MYH7B: variants seen among roughly 807,000 people sequenced by gnomAD.
The protein encoded by MYH7B is myosin heavy chain 7B.
MYH7B carries 205 observed loss-of-function variants against 234.5 expected under a neutral mutation model. That is an observed-to-expected ratio of 0.87 (90% CI 0.78 to 0.98). The LOEUF (loss-of-function observed/expected upper bound fraction) is 0.98. Ranked by LOEUF, MYH7B falls within the 50% of genes least tolerant of loss-of-function variation. The pLI, the probability that MYH7B is intolerant of heterozygous loss-of-function variation, is 0.00. For missense variants in MYH7B, 2,652 were observed against 2,633.4 expected (o/e 1.01, Z -0.15); for synonymous variants, 1,193 against 1,105.0 (o/e 1.08, Z -1.58).
chr20:34,965,308 G>A (rs931689515), intron 2 of MYH7B, among the ~76,000 whole-genome samples: 6 of 152,252 alleles, frequency 3.9e-5, no homozygotes, highest in African/African-American at 1.4e-4. Context: ...TGGTTAACCT[G>A]GCTCAGCCGA....
intron 2 of MYH7B, among the ~76,000 whole-genome samples, chr20:34,959,042 C>T (rs2081667479): frequency 2.0e-5 from 3 of 152,170 alleles, no homozygotes. Flanking sequence ...TCATTTAATC[C>T]CTTCACAGCC....
rs998120086 is a variant in MYH7B, at chr20:34,993,471, G to A, written c.2444+1G>A. On this transcript the variant is annotated splice_donor_variant, in intron 26 of 44. Coordinates refer to ENST00000262873, the Ensembl canonical transcript of MYH7B. LOFTEE classifies it high-confidence loss of function. Reference sequence around the variant, plus strand: ...AGTACCAGCGCCTGCTGGGAGGCAGGTGGGTGTGGGAAGGAGGCTGGGGAC... The same window carrying A: ...AGTACCAGCGCCTGCTGGGAGGCAGATGGGTGTGGGAAGGAGGCTGGGGAC... 41 of 1,592,708 alleles carry A rather than the reference G, an allele frequency of 2.6e-5. No individual in the cohort carries two copies. Among genetic ancestry groups the A allele is most frequent in the Non-Finnish European group, 3.3e-5 (39 of 1,172,816 alleles).
rs372110352 is a variant in MYH7B at position 34,999,128 on chromosome 20, G to A, written c.4263G>A (p.Leu1421=). 3.7e-6 allele frequency: 6 copies of A among 1,613,570 alleles called. No homozygotes were observed. The African/African-American group carries it at 5.3e-5, about 14-fold the overall frequency. Reference sequence around the variant, plus strand: ...CTGCCAACGCCAAGTGCTCATCGTTGGAGAAGGCCAAGCTGCGGCTACAGA... The same window carrying A: ...CTGCCAACGCCAAGTGCTCATCGTTAGAGAAGGCCAAGCTGCGGCTACAGA... The change falls in exon 36 of 45, where the codon TTG becomes TTA. Residue 1421 remains leucine, a synonymous_variant. Transcript: ENST00000262873.
In MYH7B at chr20:34,990,000, A is replaced by G; in HGVS notation, c.1768-14A>G. 1 of 1,613,966 alleles carries G rather than the reference A, an allele frequency of 6.2e-7. No homozygotes were observed. The highest frequency in any genetic ancestry group is 8.5e-7 in the Non-Finnish European group (1 of 1,179,936). The stretch of plus-strand genomic sequence containing the variant: ...GTCTCCCACCCGGGCTCAGCACCTG[A>G]CTTGTCTCTCCAGGTGCCTTACAGC... On this transcript the variant is annotated splice_polypyrimidine_tract_variant and intron_variant, in intron 20 of 44. Transcript: ENST00000262873.
chr20:34,982,823 T>A (rs2081960382), intron 10 of MYH7B, among the ~76,000 whole-genome samples: 1 of 152,168 alleles, frequency 6.6e-6, no homozygotes, highest in South Asian at 2.1e-4. Flanking sequence ...TTGTGTAATT[T>A]TTATCTTCCA....
rs1283208426 is a variant in MYH7B at position 34,989,883 on chromosome 20, C to A, written c.1731C>A (p.Tyr577Ter). The A allele has an allele frequency of 6.2e-7, 1 of 1,614,182 alleles. No individual in the cohort carries two copies. Among genetic ancestry groups the A allele is most frequent in the Admixed American group, 1.7e-5 (1 of 60,026 alleles). Residue 577 changes from tyrosine (Y) to a stop codon, truncating the protein, a stop_gained, in exon 20 of 45, where the codon TAC (tyrosine) becomes TAA (stop). Transcript: ENST00000262873. LOFTEE classifies it high-confidence loss of function. ...CTCGGCCTGACAAGAAGCGCAAGTA[C>A]CAGGCCCACTTCGAGGTGGTCCACT...
At chr20:34,975,277 GCA>G in intron 2 of MYH7B, 121 bp from the exon 3 acceptor site, 1 of 429,824 alleles carries the variant, frequency 2.3e-6, no homozygotes, top group Admixed American at 4.1e-5. Context: ...TGATCTCGGC[GCA>G]CTGTAACCTC....
intron 7 of MYH7B, chr20:34,980,212 G>A: frequency 3.1e-6 from 1 of 323,030 alleles, no homozygotes; most frequent in Non-Finnish European, 5.8e-6. Context: ...GAAGACTGGG[G>A]CCTGGGGCCT....
intron 2 of MYH7B, among the ~76,000 whole-genome samples, chr20:34,974,819 A>G (rs547348394): frequency 2.0e-4 from 31 of 152,318 alleles, no homozygotes; most frequent in African/African-American, 5.1e-4. Flanking sequence ...CTTACTAGGT[A>G]TTTATTGACT....
At chr20:34,989,112 TC>T (rs2082091275) in intron 19 of MYH7B, among the ~76,000 whole-genome samples, 1 of 152,224 alleles carries the variant, frequency 6.6e-6, no homozygotes, top group Non-Finnish European at 1.5e-5. Flanking sequence ...GCCTGGCCTA[TC>T]CATTTTCTTT....
chr20:34,999,977 T>C, intron 38 of MYH7B, 71 bp downstream of exon 38: 1 of 1,361,508 alleles, frequency 7.3e-7, no homozygotes, highest in Non-Finnish European at 1.0e-6. Context: ...TACTCTGCTC[T>C]CTAGTCTGTC....
At chr20:34,997,369 A>C in exon 32 of MYH7B, 1 of 1,525,860 alleles carries the variant, frequency 6.6e-7, no homozygotes, top group Non-Finnish European at 8.8e-7. Context: ...CGGCTGGAGG[A>C]GGCAGGCGGC....
chr20:35,002,287 G>C, exon 45 of MYH7B: 1 of 1,367,960 alleles, frequency 7.3e-7, no homozygotes, highest in Non-Finnish European at 9.8e-7. Flanking sequence ...GCCCCCTGCT[G>C]CCTTCAGCCT....
chr20:34,982,620 C>A, intron 10 of MYH7B, 65 bp downstream of exon 10: 1 of 1,325,478 alleles, frequency 7.5e-7, no homozygotes, highest in Non-Finnish European at 1.0e-6. Flanking sequence ...CTTTCTTCCT[C>A]TCTTTTTTTT....
At chr20:35,001,905 C>T in intron 43 of MYH7B, 43 bp from the exon 44 acceptor site, 3 of 1,590,966 alleles carry the variant, frequency 1.9e-6, no homozygotes, top group South Asian at 2.3e-5. Flanking sequence ...GAATAAGCAT[C>T]TCAGTCACCC....
chr20:34,996,720 T>TGCTCAAGACAAGCAGCAGCTGGAGGAGAA lies in MYH7B; in HGVS notation c.3237_3265dup (p.Lys1089ThrfsTer16). On this transcript the variant is annotated frameshift_variant, in exon 30 of 45. Transcript: ENST00000262873. LOFTEE classifies it high-confidence loss of function. ...TGACGCAGGAGTCGGTGGCTGATGC[T>TGCTCAAGACAAGCAGCAGCTGGAGGAGAA]GCTCAAGACAAGCAGCAGCTGGAGG... The TGCTCAAGACAAGCAGCAGCTGGAGGAGAA allele has an allele frequency of 6.2e-7, 1 of 1,613,394 alleles. No homozygotes were observed. Among genetic ancestry groups the TGCTCAAGACAAGCAGCAGCTGGAGGAGAA allele is most frequent in the Non-Finnish European group, 8.5e-7 (1 of 1,179,946 alleles).
chr20:34,980,817 C>A, intron 8 of MYH7B, 83 bp downstream of exon 8: 4 of 1,563,536 alleles, frequency 2.6e-6, no homozygotes, highest in Non-Finnish European at 3.5e-6. Flanking sequence ...CCTTCCCCCA[C>A]TGGCACTGCC....
At chr20:34,991,043 G>A in exon 24 of MYH7B, 1 of 1,613,870 alleles carries the variant, frequency 6.2e-7, no homozygotes, top group Non-Finnish European at 8.5e-7. Flanking sequence ...CAGCTGCGCT[G>A]CAATGGGGTC....
intron 10 of MYH7B, 65 bp downstream of exon 10, chr20:34,982,620 C>CTT: frequency 7.5e-7 from 1 of 1,325,486 alleles, no homozygotes; most frequent in Non-Finnish European, 1.0e-6. Context: ...CTTTCTTCCT[C>CTT]TCTTTTTTTT....
Sources: allele counts gnomAD v4.1 joint callset (sites outside exome capture counted in the v4.1 genomes callset), GRCh38; gene constraint gnomAD v4.1.1; transcripts MANE v1.5; gene names NCBI Gene and HGNC (gene_info 2026-07-23, HGNC 2026-07-21).